SLC37A3: variants seen among roughly 807,000 people sequenced by gnomAD.
SLC37A3 encodes the protein solute carrier family 37 member 3.
Under a neutral mutation model 67.1 loss-of-function variants are expected in SLC37A3, and 51 were observed. That is an observed-to-expected ratio of 0.76 (90% CI 0.61 to 0.96). SLC37A3 has a LOEUF of 0.96. Among genes scored for constraint, SLC37A3 ranks in the 40% least tolerant of loss-of-function variants. SLC37A3 has a pLI of 0.00. For synonymous variants in SLC37A3, 214 were observed against 231.4 expected (o/e 0.92, Z 0.68); for missense variants, 508 against 603.0 (o/e 0.84, Z 1.65).
intron 3 of SLC37A3, chr7:140,370,467 C>T (rs980749786): frequency 6.6e-6 from 1 of 152,140 alleles, no homozygotes; most frequent in African/African-American, 2.4e-5. Flanking sequence ...TGAAAGCACG[C>T]GATCTCATCT....
At chr7:140,345,796 G>T in intron 11 of SLC37A3, 73 bp downstream of exon 11, 1 of 1,206,148 alleles carries the variant, frequency 8.3e-7, no homozygotes, top group South Asian at 1.2e-5. Flanking sequence ...ACTGGTCACT[G>T]ACTCCAAACA....
rs1796835556 is a variant in SLC37A3 at position 140,352,141 on chromosome 7, G to GAC, written c.623_624insGT (p.Phe209SerfsTer4). 1.2e-6 allele frequency: 2 copies of GAC among 1,612,316 alleles called. No individual in the cohort carries two copies. Among genetic ancestry groups the GAC allele is most frequent in the South Asian group, 1.1e-5 (1 of 90,708 alleles). ...ACTGCACAGACGCCGTCACCAGAAA[G>GAC]GCATACTGGAGGAGAGGGGTGAAAG... On this transcript the variant is annotated frameshift_variant, in exon 8 of 15. Transcript: ENST00000326232. LOFTEE classifies it high-confidence loss of function.
chr7:140,350,467 C>T (rs183208473), intron 9 of SLC37A3, among the ~76,000 whole-genome samples: 11 of 152,090 alleles, frequency 7.2e-5, no homozygotes, highest in African/African-American at 2.7e-4. Flanking sequence ...TCTTCTGGAC[C>T]CTTTAAAAGG....
At chr7:140,391,406 T>C (rs1349084583) in intron 1 of SLC37A3, among the ~76,000 whole-genome samples, 1 of 152,110 alleles carries the variant, frequency 6.6e-6, no homozygotes, top group East Asian at 1.9e-4. Flanking sequence ...AATACAAAAA[T>C]TAGCCGGTTG....
chr7:140,367,644 C>G (rs1022881120), intron 4 of SLC37A3, among the ~76,000 whole-genome samples: 2 of 152,000 alleles, frequency 1.3e-5, no homozygotes, highest in African/African-American at 4.8e-5. Context: ...AGGAAGGCTC[C>G]TCTCACAGTC....
intron 5 of SLC37A3, among the ~76,000 whole-genome samples, chr7:140,359,466 G>A (rs1797177294): frequency 6.6e-6 from 1 of 152,214 alleles, no homozygotes; most frequent in African/African-American, 2.4e-5. Flanking sequence ...CGAGCCCAGG[G>A]AGGCCACCTT....
At chr7:140,390,789 A>G (rs1031534053) in intron 1 of SLC37A3, among the ~76,000 whole-genome samples, 1 of 152,160 alleles carries the variant, frequency 6.6e-6, no homozygotes, top group Non-Finnish European at 1.5e-5. Context: ...CTTTCCTTGC[A>G]GATCACTTAC....
chr7:140,345,134 A>C, intron 12 of SLC37A3, 82 bp downstream of exon 12: 1 of 1,311,258 alleles, frequency 7.6e-7, no homozygotes, highest in Non-Finnish European at 1.1e-6. Context: ...GTACTACTCA[A>C]ATTGAGGGAG....
At chr7:140,365,674 T>C (rs1487989103) in intron 4 of SLC37A3, among the ~76,000 whole-genome samples, 2 of 152,028 alleles carry the variant, frequency 1.3e-5, no homozygotes, top group East Asian at 1.9e-4. Context: ...TCAGCCGAGA[T>C]GGCACCACTG....
At chr7:140,370,565 T>TA (rs1327414192) in intron 3 of SLC37A3, 1 of 124,480 alleles carries the variant, frequency 8.0e-6, no homozygotes, top group Non-Finnish European at 1.7e-5. Context: ...CATTTTACAA[T>TA]ACTCTTCAAA....
chr7:140,348,530 A>C (rs1338614217), intron 10 of SLC37A3, 96 bp downstream of exon 10: 1 of 1,348,624 alleles, frequency 7.4e-7, no homozygotes, highest in African/African-American at 1.5e-5. Flanking sequence ...CTGTAGAATA[A>C]GTAATAAAAC....
intron 2 of SLC37A3, among the ~76,000 whole-genome samples, chr7:140,382,227 C>T (rs1183500591): frequency 6.6e-6 from 1 of 152,004 alleles, no homozygotes; most frequent in Non-Finnish European, 1.5e-5. Flanking sequence ...CCCCTCATGA[C>T]CACCAAAACT....
At chr7:140,390,324 A>G (rs1585379917) in intron 1 of SLC37A3, among the ~76,000 whole-genome samples, 1 of 152,010 alleles carries the variant, frequency 6.6e-6, no homozygotes, top group Non-Finnish European at 1.5e-5. Context: ...CAAGCCTCGT[A>G]TCTTTCCTCT....
At chr7:140,375,054 AAGAATCG>A (rs1475790469) in intron 3 of SLC37A3, among the ~76,000 whole-genome samples, 21 of 31,030 alleles carry the variant, frequency 6.8e-4, no homozygotes, top group African/African-American at 2.4e-3. Flanking sequence ...GCTGAGGCAG[AAGAATCG>A]AAGAATCGCT....
At chr7:140,377,926 G>A (rs1463232750) in intron 3 of SLC37A3, among the ~76,000 whole-genome samples, 4 of 152,064 alleles carry the variant, frequency 2.6e-5, no homozygotes, top group Non-Finnish European at 5.9e-5. Context: ...CCTCTGGGAA[G>A]CTTGGCCTGG....
intron 4 of SLC37A3, among the ~76,000 whole-genome samples, 153 bp from the exon 5 acceptor site, chr7:140,364,644 A>T (rs1387671440): frequency 6.6e-6 from 1 of 152,098 alleles, no homozygotes; most frequent in East Asian, 1.9e-4. Context: ...AGTTTCACAA[A>T]TGTTTCATGA....
rs752319799 is a variant in SLC37A3, at chr7:140,345,885, G to A, written c.1110C>T (p.Ser370=). ...AATACTCACGACTATACCCGATGAG[G>A]GACCCAACTGCCAGAAGCAGACTCA... ...LALSLLLAVG[S]LIGYSRSPND... is the part of the protein sequence containing the mutation. The change falls in exon 11 of 15, where the codon TCC becomes TCT. Residue 370 remains serine, a synonymous_variant. Transcript: ENST00000326232. 15 of 1,613,282 alleles carry A rather than the reference G, an allele frequency of 9.3e-6. No individual in the cohort carries two copies. The highest frequency in any genetic ancestry group is 1.3e-5 in the African/African-American group (1 of 74,866).
At chr7:140,341,087 C>A (rs1796344602) in intron 13 of SLC37A3, among the ~76,000 whole-genome samples, 1 of 152,128 alleles carries the variant, frequency 6.6e-6, no homozygotes, top group Admixed American at 6.5e-5. Flanking sequence ...CACATACCAC[C>A]ATGCTCAGCT....
intron 1 of SLC37A3, among the ~76,000 whole-genome samples, chr7:140,388,430 A>G (rs922693388): frequency 6.6e-6 from 1 of 150,714 alleles, no homozygotes; most frequent in Non-Finnish European, 1.5e-5. Flanking sequence ...GAGACCCTGT[A>G]CCAAAAAAAA....
Sources: gnomAD v4.1 joint callset for allele counts (sites outside exome capture counted in the v4.1 genomes callset) on GRCh38, gnomAD v4.1.1 for gene constraint, MANE v1.5 for transcripts, NCBI Gene and HGNC (gene_info 2026-07-23, HGNC 2026-07-21) for gene names.